The following CD109 variants were observed in gnomAD, a reference collection of about 807,000 sequenced individuals.
CD109 encodes the protein CD109 molecule, also known as CD109 antigen.
Under a neutral mutation model 165.8 loss-of-function variants are expected in CD109, and 149 were observed. That is an observed-to-expected ratio of 0.90 (90% CI 0.79 to 1.03). CD109 has a LOEUF of 1.03. Among genes scored for constraint, CD109 ranks in the 50% least tolerant of loss-of-function variants. The pLI, the probability that CD109 is intolerant of heterozygous loss-of-function variation, is 0.00. For synonymous variants in CD109, 585 were observed against 592.1 expected, an observed-to-expected ratio of 0.99 and a Z score of 0.18; for missense variants, 1,712 against 1,677.8, an observed-to-expected ratio of 1.02 and a Z score of -0.36.
chr6:73,805,479 C>T (rs1775528746), intron 24 of CD109, among the ~76,000 whole-genome samples: 1 of 152,172 alleles, frequency 6.6e-6, no homozygotes, highest in Non-Finnish European at 1.5e-5. Context: ...TTCCATTGCC[C>T]AGGGACGGGC....
In CD109 at chr6:73,780,518, T is replaced by C; in HGVS notation, c.1902+20T>C. ...TTTCAGGTATGTTTTGCTTGCTATA[T>C]TGAAAAGATATTAATATTTTTTACT... is the stretch of plus-strand genomic sequence containing the variant. On this transcript the variant is annotated intron_variant, in intron 16 of 32. Coordinates refer to ENST00000287097, the MANE Select transcript of CD109 (RefSeq NM_133493.5). 3 of 1,493,796 alleles carry C rather than the reference T, an allele frequency of 2.0e-6. No individual in the cohort carries two copies. The highest frequency in any genetic ancestry group is 1.9e-6 in the Non-Finnish European group (2 of 1,072,810). 92.5% of individuals were successfully genotyped at this position (1,493,796 alleles called of 1,614,324 possible). A position where few individuals can be genotyped will look rare whatever the true frequency, so the allele number is the denominator to read the frequency against.
intron 23 of CD109, among the ~76,000 whole-genome samples, chr6:73,793,980 A>C (rs1775062078): frequency 2.0e-5 from 3 of 152,202 alleles, no homozygotes; most frequent in African/African-American, 4.8e-5. Flanking sequence ...GGGGCAAGCT[A>C]TTAATTGATT....
At chr6:73,739,452 G>A (rs1368860733) in intron 5 of CD109, among the ~76,000 whole-genome samples, 1 of 152,000 alleles carries the variant, frequency 6.6e-6, no homozygotes, top group African/African-American at 2.4e-5. Context: ...TAGAGGAAAT[G>A]TATTTATTAT....
At chr6:73,814,029 A>C (rs1157184030) in intron 29 of CD109, among the ~76,000 whole-genome samples, 1 of 152,158 alleles carries the variant, frequency 6.6e-6, no homozygotes, top group East Asian at 1.9e-4. Flanking sequence ...GATCGAGTGG[A>C]TGAAGGATTA....
chr6:73,739,058 T>G (rs1772651462), intron 5 of CD109, among the ~76,000 whole-genome samples: 1 of 152,238 alleles, frequency 6.6e-6, no homozygotes, highest in Non-Finnish European at 1.5e-5. Flanking sequence ...CCAAGTTCAG[T>G]GCTTTTGCAT....
intron 24 of CD109, 102 bp downstream of exon 24, chr6:73,803,403 C>A: frequency 1.3e-6 from 1 of 767,828 alleles, no homozygotes; most frequent in Non-Finnish European, 2.1e-6. Flanking sequence ...ATATTATAGA[C>A]TGGGAGGTTG....
At chr6:73,724,270 A>G (rs748780089) in intron 3 of CD109, among the ~76,000 whole-genome samples, 1 of 152,202 alleles carries the variant, frequency 6.6e-6, no homozygotes, top group African/African-American at 2.4e-5. Context: ...ATCTCACAGC[A>G]TGTCCTGGAG....
chr6:73,719,320 A>G (rs191472106), intron 2 of CD109, among the ~76,000 whole-genome samples: 1 of 152,204 alleles, frequency 6.6e-6, no homozygotes, highest in Non-Finnish European at 1.5e-5. Flanking sequence ...TAAAACAACA[A>G]TGGTTTATTA....
chr6:73,795,021 A>C (rs1241836554), intron 23 of CD109, among the ~76,000 whole-genome samples: 1 of 151,288 alleles, frequency 6.6e-6, no homozygotes. Flanking sequence ...ACACATTGGC[A>C]TAATGGCTGT....
chr6:73,689,532 C>G, the CD109 span, among the ~76,000 whole-genome samples: 1 of 152,112 alleles, frequency 6.6e-6, no homozygotes, highest in Non-Finnish European at 1.5e-5. Context: ...AGTGGGAAAA[C>G]CACTTTGGTT....
chr6:73,810,223 T>C (rs1260855356), intron 27 of CD109, 49 bp downstream of exon 27: 3 of 496,342 alleles, frequency 6.0e-6, no homozygotes, highest in Non-Finnish European at 8.9e-6. Flanking sequence ...ATAATATAGA[T>C]TTATTTATTA....
intron 16 of CD109, among the ~76,000 whole-genome samples, chr6:73,780,800 GTA>G (rs35798747): frequency 0.01 from 593 of 56,854 alleles, 161 homozygotes; most frequent in African/African-American, 0.048. Flanking sequence ...TATATTTTAT[GTA>G]TATATATAAT....
At chr6:73,773,937 T>C (rs1003692080) in intron 15 of CD109, among the ~76,000 whole-genome samples, 1 of 152,216 alleles carries the variant, frequency 6.6e-6, no homozygotes, top group South Asian at 2.1e-4. Context: ...TCTATCTCTT[T>C]GTCTTTTCTG....
chr6:73,761,014 AACACAC>A (rs577598100), intron 7 of CD109, among the ~76,000 whole-genome samples: 33,204 of 124,038 alleles, frequency 0.27, 4,201 homozygotes, highest in East Asian at 0.37. Context: ...ACTGTGTCTA[AACACAC>A]ACACACACAC....
At position 73,765,787 on chromosome 6, in the gene CD109, A is replaced by G. The variant is rs1007985838; in HGVS notation, c.1108-143A>G. 4 of 628,412 alleles carry G rather than the reference A, an allele frequency of 6.4e-6. No individual in the cohort carries two copies. The African/African-American group carries it at 7.4e-5, about 12-fold the overall frequency. 38.9% of individuals were successfully genotyped at this position (628,412 alleles called of 1,614,324 possible). On this transcript the variant is annotated intron_variant, in intron 10 of 32. Transcript: ENST00000287097. ...TAATCAGTGATGTTGGATGCCTCCT[A>G]GAGAGAGGCCACTGAATCTGGATAT...
rs564186440 is a variant in CD109, at chr6:73,786,737, A to G, written c.2338-497A>G. ...ACTTGCAACTTTGGGATAATTTACA[A>G]AAGTTTACAACCAAGATATGCTTCA... is the stretch of plus-strand genomic sequence containing the variant. On this transcript the variant is annotated intron_variant, in intron 20 of 32. Transcript: ENST00000287097. Among the ~76,000 whole-genome samples, 3 of 152,368 alleles carry G rather than the reference A, an allele frequency of 2.0e-5. No individual in the cohort carries two copies. In the East Asian group the frequency reaches 5.8e-4, roughly 29 times the overall value.
At chr6:73,772,253 C>G (rs745604927) in intron 15 of CD109, among the ~76,000 whole-genome samples, 2 of 152,152 alleles carry the variant, frequency 1.3e-5, no homozygotes, top group African/African-American at 2.4e-5. Context: ...TGCCTGTAAT[C>G]TCAGCACTTT....
chr6:73,712,709 AGGC>A (rs1204472147), intron 2 of CD109, among the ~76,000 whole-genome samples: 4 of 152,260 alleles, frequency 2.6e-5, no homozygotes, highest in Non-Finnish European at 5.9e-5. Flanking sequence ...GCCAGTTCTC[AGGC>A]TGTGCCAAAT....
At position 73,823,492 on chromosome 6, in the gene CD109, G is replaced by A; in HGVS notation, c.4197G>A (p.Val1399=). 1.2e-6 allele frequency: 2 copies of A among 1,613,342 alleles called. No individual in the cohort carries two copies. The highest frequency in any genetic ancestry group is 1.7e-6 in the Non-Finnish European group (2 of 1,179,418). ...RQAVRSYNSE[V]KLSSCDLCSD... is the part of the protein sequence containing the mutation. ...CGGTGAGAAGTTACAACTCTGAAGT[G>A]AAGCTGTCCTCCTGTGACCTTTGCA... is the stretch of plus-strand genomic sequence containing the variant. Residue 1399 remains valine (V), a synonymous_variant, in exon 33 of 33, where the codon GTG becomes GTA. Coordinates refer to ENST00000287097, the MANE Select transcript of CD109 (RefSeq NM_133493.5).
Sources: allele counts gnomAD v4.1 joint callset (sites outside exome capture counted in the v4.1 genomes callset), GRCh38; gene constraint gnomAD v4.1.1; transcripts MANE v1.5; gene names NCBI Gene and HGNC (gene_info 2026-07-23, HGNC 2026-07-21).